The following DNAJC16 variants were observed in gnomAD, a reference collection of about 807,000 sequenced individuals.
DNAJC16 encodes DnaJ heat shock protein family (Hsp40) member C16.
Under a neutral mutation model 92.7 loss-of-function variants are expected in DNAJC16, and 76 were observed. That is an observed-to-expected ratio of 0.82 (90% CI 0.68 to 0.99). The LOEUF is 0.99. Among genes scored for constraint, DNAJC16 ranks in the 50% least tolerant of loss-of-function variants. The probability of loss-of-function intolerance (pLI) is 0.00; values close to 1 mark genes in which losing one functional copy is unlikely to be tolerated. For synonymous variants in DNAJC16, 328 were observed against 358.7 expected (o/e 0.91, Z 0.97); for missense variants, 869 against 942.4 (o/e 0.92, Z 1.02).
At chr1:15,552,050 G>A (rs959977161) in intron 7 of DNAJC16, among the ~76,000 whole-genome samples, 10 of 149,216 alleles carry the variant, frequency 6.7e-5, no homozygotes, top group Admixed American at 6.6e-4. Flanking sequence ...AATTTTTTTT[G>A]TTTGAGAGAC....
intron 8 of DNAJC16, chr1:15,560,322 C>T (rs896697195): frequency 2.0e-5 from 3 of 152,220 alleles, no homozygotes; most frequent in Non-Finnish European, 4.4e-5. Flanking sequence ...TAAAGCATTC[C>T]ACACAGGGTG....
Position 15,567,334 on chromosome 1 carries a change from T to C in DNAJC16, c.1949+65T>C. ...AGAGAGAGAGGCAGGCACACTGAAA[T>C]TGCACGCTTTTCTCTTTGGTCTTGT... On this transcript the variant is annotated intron_variant, in intron 14 of 14. Transcript: ENST00000375847. 3 of 1,513,998 alleles carry C rather than the reference T, an allele frequency of 2.0e-6. No homozygotes were observed. The South Asian group carries it at 3.5e-5, about 18-fold the overall frequency. 93.8% of individuals were successfully genotyped at this position (1,513,998 alleles called of 1,614,324 possible).
At chr1:15,557,785 T>A (rs1218754407) in intron 7 of DNAJC16, among the ~76,000 whole-genome samples, 1 of 151,840 alleles carries the variant, frequency 6.6e-6, no homozygotes, top group Non-Finnish European at 1.5e-5. Flanking sequence ...CAGGCTGGAG[T>A]GTAGTGATGT....
intron 13 of DNAJC16, 60 bp downstream of exon 13, chr1:15,566,240 C>T: frequency 1.5e-6 from 2 of 1,341,240 alleles, no homozygotes; most frequent in Non-Finnish European, 2.1e-6. Context: ...ATCCTGTCAT[C>T]TGATAACGCA....
chr1:15,564,500 C>G (rs1303650156), intron 11 of DNAJC16, 141 bp downstream of exon 11: 1 of 613,560 alleles, frequency 1.6e-6, no homozygotes, highest in Non-Finnish European at 2.9e-6. Context: ...ATTTTCTATT[C>G]CCCTTTTTCT....
chr1:15,528,205 G>T (rs539440691), intron 1 of DNAJC16, among the ~76,000 whole-genome samples: 1 of 152,210 alleles, frequency 6.6e-6, no homozygotes, highest in Non-Finnish European at 1.5e-5. Flanking sequence ...GGCCGAGGCG[G>T]GTGGATCACC....
At chr1:15,566,042 T>A (rs749982943) in intron 12 of DNAJC16, 40 bp from the exon 13 acceptor site, 9 of 1,612,270 alleles carry the variant, frequency 5.6e-6, no homozygotes, top group Non-Finnish European at 7.6e-6. Flanking sequence ...ATGGTTGGTG[T>A]TGACACTTTT....
chr1:15,529,326 G>C (rs1710600043), intron 2 of DNAJC16, 54 bp downstream of exon 2: 1 of 1,512,378 alleles, frequency 6.6e-7, no homozygotes, highest in African/African-American at 1.4e-5. Context: ...TCTTAGCAGG[G>C]ATGAAGTCTA....
chr1:15,548,232 GTAGTTT>G (rs1557579008), intron 6 of DNAJC16, 32 bp from the exon 7 acceptor site: 2 of 1,603,680 alleles, frequency 1.2e-6, no homozygotes, highest in Non-Finnish European at 1.7e-6. Context: ...CATCTTTGCT[GTAGTTT>G]TATTTTCTTC....
chr1:15,555,716 G>A (rs1360484789), intron 7 of DNAJC16, among the ~76,000 whole-genome samples: 1 of 150,796 alleles, frequency 6.6e-6, no homozygotes, highest in East Asian at 1.9e-4. Context: ...GGCCAGGTGT[G>A]GTGGCTCATG....
Position 15,569,314 on chromosome 1 carries a change from A to C in DNAJC16, c.*1137A>C, listed in dbSNP as rs1042025933. 1 of 152,262 alleles carries C rather than the reference A, an allele frequency of 6.6e-6. No individual in the cohort carries two copies. Among genetic ancestry groups the C allele is most frequent in the Non-Finnish European group, 1.5e-5 (1 of 68,032 alleles). The allele number at this position is 152,262 out of a possible 1,614,324, so 9.4% of individuals were successfully genotyped here. A position where few individuals can be genotyped will look rare whatever the true frequency, so the allele number is the denominator to read the frequency against. ...TAGACTCCCATTTTGCAAAAGGCTT[A>C]CTTTCCACTTCTGGGCTGTATTTTG... On this transcript the variant is annotated 3_prime_UTR_variant, in exon 15 of 15. Transcript: ENST00000375847.
intron 5 of DNAJC16, among the ~76,000 whole-genome samples, chr1:15,546,181 T>C (rs577994036): frequency 7.9e-5 from 12 of 152,282 alleles, no homozygotes; most frequent in Non-Finnish European, 1.5e-4. Context: ...GCCATGTACC[T>C]GTAGCTCCAG....
intron 5 of DNAJC16, 26 bp downstream of exon 5, chr1:15,544,609 G>A (rs765754222): frequency 6.2e-7 from 1 of 1,610,604 alleles, no homozygotes; most frequent in Admixed American, 1.7e-5. Context: ...GGAAACTATG[G>A]CTGAGAAGTA....
At chr1:15,531,398 A>G (rs1710656726) in intron 2 of DNAJC16, among the ~76,000 whole-genome samples, 1 of 152,250 alleles carries the variant, frequency 6.6e-6, no homozygotes, top group African/African-American at 2.4e-5. Context: ...GCAATCTCTA[A>G]TTATACATGA....
intron 11 of DNAJC16, 126 bp downstream of exon 11, chr1:15,564,485 T>C: frequency 1.5e-6 from 1 of 671,912 alleles, no homozygotes; most frequent in Non-Finnish European, 2.6e-6. Flanking sequence ...GAAGAACGTT[T>C]ACACATTTTC....
chr1:15,534,385 GA>G, intron 3 of DNAJC16, 82 bp downstream of exon 3: 1 of 1,418,592 alleles, frequency 7.0e-7, no homozygotes, highest in African/African-American at 1.4e-5. Context: ...AAAGTTGTCA[GA>G]AAGGTCATGT....
At chr1:15,536,902 G>A (rs574975228) in intron 4 of DNAJC16, 88 bp downstream of exon 4, 17 of 1,190,794 alleles carry the variant, frequency 1.4e-5, no homozygotes, top group Non-Finnish European at 2.0e-5. Flanking sequence ...CCAGGCTGGA[G>A]TACAGTGGTG....
intron 4 of DNAJC16, among the ~76,000 whole-genome samples, chr1:15,540,123 C>T (rs1011334583): frequency 6.6e-6 from 1 of 151,180 alleles, no homozygotes; most frequent in African/African-American, 2.4e-5. Flanking sequence ...GTTAGGAGTT[C>T]GAGACCAGCC....
At chr1:15,534,596 G>A (rs972676104) in intron 3 of DNAJC16, among the ~76,000 whole-genome samples, 1 of 152,064 alleles carries the variant, frequency 6.6e-6, no homozygotes, top group Admixed American at 6.6e-5. Context: ...GTGGTGGCAC[G>A]TGCCTGTAAT....
Sources: allele counts gnomAD v4.1 joint callset (sites outside exome capture counted in the v4.1 genomes callset), GRCh38; gene constraint gnomAD v4.1.1; transcripts MANE v1.5; gene names NCBI Gene and HGNC (gene_info 2026-07-23, HGNC 2026-07-21).